Variants in XRRA1 observed in about 807,000 individuals in gnomAD.
The protein encoded by XRRA1 is X-ray radiation resistance associated 1.
In XRRA1, 69 loss-of-function variants were observed where a neutral mutation model predicts 80.2. The observed-to-expected ratio is 0.86, with a 90% CI of 0.71 to 1.05. The LOEUF is 1.05. XRRA1 is among the 50% of genes least tolerant of loss of function. The pLI is 0.00. For missense variants in XRRA1, 967 were observed against 976.4 expected (o/e 0.99, Z 0.13); for synonymous variants, 348 against 389.9 (o/e 0.89, Z 1.27).
At chr11:74,866,272 G>A in intron 10 of XRRA1, among the ~76,000 whole-genome samples, 1 of 151,464 alleles carries the variant, frequency 6.6e-6, no homozygotes, top group East Asian at 1.9e-4. Context: ...GCTTTTTTTG[G>A]AGACAGGCTC....
intron 16 of XRRA1, 34 bp from the exon 17 acceptor site, chr11:74,844,317 T>C: frequency 6.6e-7 from 1 of 1,520,382 alleles, no homozygotes; most frequent in Non-Finnish European, 9.1e-7. Context: ...GTCAAGGCAC[T>C]TCCCCCTCCT....
intron 10 of XRRA1, among the ~76,000 whole-genome samples, chr11:74,869,167 C>G (rs1486499721): frequency 6.6e-6 from 1 of 151,962 alleles, no homozygotes; most frequent in African/African-American, 2.4e-5. Context: ...GAGCACAGCA[C>G]CATAAAATAG....
intron 15 of XRRA1, among the ~76,000 whole-genome samples, chr11:74,847,544 C>CT (rs144390158): frequency 0.025 from 3,735 of 152,236 alleles, 165 homozygotes; most frequent in African/African-American, 0.085. Flanking sequence ...ATATCTTCAC[C>CT]TTTTTAATTC....
intron 3 of XRRA1, among the ~76,000 whole-genome samples, chr11:74,939,359 G>C (rs543755392): frequency 7.9e-5 from 12 of 152,142 alleles, no homozygotes; most frequent in African/African-American, 1.4e-4. Flanking sequence ...CTCAAAAAAA[G>C]AAAAGAAAGA....
At chr11:74,907,302 G>T (rs539486222) in intron 8 of XRRA1, 29 bp from the exon 9 acceptor site, 1 of 1,612,688 alleles carries the variant, frequency 6.2e-7, no homozygotes, top group Non-Finnish European at 8.5e-7. Context: ...TGGGTAATGA[G>T]CAAGGTCGAG....
intron 5 of XRRA1, chr11:74,931,946 T>A (rs1943682831): frequency 1.3e-5 from 2 of 152,216 alleles, no homozygotes; most frequent in African/African-American, 2.4e-5. Context: ...GCCAGTCTGA[T>A]TATTGTAAAA....
At chr11:74,851,312 T>C (rs2039782264) in intron 13 of XRRA1, 109 bp from the exon 14 acceptor site, 3 of 748,670 alleles carry the variant, frequency 4.0e-6, no homozygotes, top group African/African-American at 3.6e-5. Context: ...TGAAACTTAT[T>C]CTCAACCCTA....
At chr11:74,868,343 C>T (rs548453086) in intron 10 of XRRA1, among the ~76,000 whole-genome samples, 25 of 152,220 alleles carry the variant, frequency 1.6e-4, no homozygotes, top group East Asian at 3.9e-4. Flanking sequence ...CATTACTATC[C>T]GACCAGATAT....
intron 3 of XRRA1, among the ~76,000 whole-genome samples, chr11:74,938,138 C>T (rs1945473140): frequency 6.6e-6 from 1 of 152,154 alleles, no homozygotes; most frequent in African/African-American, 2.4e-5. Flanking sequence ...AGCTTTGTGC[C>T]TCTAACCACT....
At chr11:74,889,898 A>C (rs1170196219) in intron 10 of XRRA1, among the ~76,000 whole-genome samples, 6 of 152,320 alleles carry the variant, frequency 3.9e-5, no homozygotes, top group African/African-American at 1.2e-4. Context: ...CAGATTCATA[A>C]AGCAAGTGCT....
At chr11:74,898,112 T>C (rs1321278927) in intron 10 of XRRA1, among the ~76,000 whole-genome samples, 7 of 152,044 alleles carry the variant, frequency 4.6e-5, no homozygotes, top group South Asian at 2.1e-4. Flanking sequence ...AGTTAGTAAG[T>C]TGGGGGACAA....
intron 1 of XRRA1, among the ~76,000 whole-genome samples, chr11:74,948,673 C>T (rs930886316): frequency 2.0e-5 from 3 of 152,044 alleles, no homozygotes; most frequent in Non-Finnish European, 2.9e-5. Context: ...TGTTGTGGGA[C>T]TCAGTGAGAG....
chr11:74,943,524 GGTGTGTGTGTGT>G (rs67590742), intron 2 of XRRA1, among the ~76,000 whole-genome samples: 99 of 137,634 alleles, frequency 7.2e-4, no homozygotes, highest in Non-Finnish European at 9.1e-4. Context: ...AGAGTAGGAG[GGTGTGTGTGTGT>G]GTGTGTGTGT....
At chr11:74,936,074 C>T (rs574488685) in intron 4 of XRRA1, among the ~76,000 whole-genome samples, 3 of 152,308 alleles carry the variant, frequency 2.0e-5, no homozygotes, top group African/African-American at 7.2e-5. Flanking sequence ...TTTATGCAGG[C>T]ACCCATCTCT....
chr11:74,920,024 T>C (rs950091763), intron 8 of XRRA1: 20 of 169,666 alleles, frequency 1.2e-4, no homozygotes, highest in Non-Finnish European at 2.0e-4. Flanking sequence ...AAAAAAAAAA[T>C]GAAGCCAACA....
intron 12 of XRRA1, among the ~76,000 whole-genome samples, chr11:74,854,043 G>C (rs2040512703): frequency 6.6e-6 from 1 of 152,190 alleles, no homozygotes; most frequent in African/African-American, 2.4e-5. Flanking sequence ...GTGACAGCTG[G>C]TTTTTGCCTT....
intron 8 of XRRA1, among the ~76,000 whole-genome samples, chr11:74,920,598 G>A (rs528016831): frequency 3.7e-4 from 57 of 152,210 alleles, no homozygotes; most frequent in African/African-American, 8.0e-4. Context: ...TAACAGTCAT[G>A]AGTATGGTCT....
intron 10 of XRRA1, among the ~76,000 whole-genome samples, chr11:74,888,997 A>G (rs2049902768): frequency 1.3e-5 from 2 of 152,260 alleles, no homozygotes; most frequent in Admixed American, 6.5e-5. Flanking sequence ...ATTATCCAGG[A>G]GAACTTCCCC....
At chr11:74,887,403 G>A (rs141292822) in intron 10 of XRRA1, among the ~76,000 whole-genome samples, 13 of 152,248 alleles carry the variant, frequency 8.5e-5, no homozygotes, top group Non-Finnish European at 1.5e-4. Flanking sequence ...GTAGGCAAAC[G>A]ACATGAACAG....
Sources: gnomAD v4.1 joint callset for allele counts (sites outside exome capture counted in the v4.1 genomes callset) on GRCh38, gnomAD v4.1.1 for gene constraint, MANE v1.5 for transcripts, NCBI Gene and HGNC (gene_info 2026-07-23, HGNC 2026-07-21) for gene names.